Variants in DYSF observed in about 807,000 individuals in gnomAD.
DYSF encodes the protein dysferlin.
Under a neutral mutation model 274.9 loss-of-function variants are expected in DYSF, and 212 were observed. The observed-to-expected ratio is 0.77, with a 90% confidence interval of 0.69 to 0.86. The LOEUF (loss-of-function observed/expected upper bound fraction) is 0.86, where lower values mean the gene tolerates loss of function less well. DYSF is among the 40% of genes least tolerant of loss of function. The pLI is 0.00. For missense variants in DYSF, 2,666 were observed against 2,783.2 expected, an observed-to-expected ratio of 0.96 and a Z score of 0.95; for synonymous variants, 1,091 against 1,078.7, an observed-to-expected ratio of 1.01 and a Z score of -0.22.
intron 24 of DYSF, 51 bp downstream of exon 24, chr2:71,564,264 C>A: frequency 6.2e-7 from 1 of 1,608,434 alleles, no homozygotes; most frequent in Non-Finnish European, 8.5e-7. Context: ...CAACATAAGG[C>A]CTTTCTCCCA....
At chr2:71,644,091 G>GGTGTGTGTGTGTGTGT in intron 42 of DYSF, 28 bp downstream of exon 42, 1 of 1,573,860 alleles carries the variant, frequency 6.4e-7, no homozygotes, top group Admixed American at 1.7e-5. Flanking sequence ...TCTGACAGTC[G>GGTGTGTGTGTGTGTGT]GTGTGTGTGT....
intron 1 of DYSF, chr2:71,454,182 C>G: frequency 1.6e-6 from 2 of 1,263,938 alleles, no homozygotes; most frequent in Non-Finnish European, 2.3e-6. Context: ...AGCTGAGAGA[C>G]AGGAGACTTT....
rs2094887312 is a variant in DYSF at position 71,661,858 on chromosome 2, G to A, written c.5003+1207G>A. 2.0e-5 allele frequency among the ~76,000 whole-genome samples: 3 copies of A among 152,314 alleles called. No homozygotes were observed. In the South Asian group the frequency reaches 6.2e-4, roughly 32 times the overall value. On this transcript the variant is annotated intron_variant, in intron 45 of 55. Transcript: ENST00000410020. ...AAATGCAGCTTTTGAAGGTGAACCA[G>A]CCCTGGCCAGTGATGAGCTCCCACC... is the stretch of plus-strand genomic sequence containing the variant.
intron 41 of DYSF, among the ~76,000 whole-genome samples, chr2:71,622,130 G>GTTTTTTTTTTGTTTTTTTTTTT (rs2094118956): frequency 2.1e-5 from 2 of 97,004 alleles, no homozygotes; most frequent in Non-Finnish European, 2.0e-5. Flanking sequence ...TGATTTCTTT[G>GTTTTTTTTTTGTTTTTTTTTTT]TTTTTTTTTT....
intron 3 of DYSF, among the ~76,000 whole-genome samples, chr2:71,490,227 G>GTGCATT (rs1225526464): frequency 6.6e-6 from 1 of 152,128 alleles, no homozygotes; most frequent in Non-Finnish European, 1.5e-5. Flanking sequence ...AAGTATAAAA[G>GTGCATT]TGCATTTCAT....
intron 45 of DYSF, among the ~76,000 whole-genome samples, chr2:71,661,134 A>G (rs893568295): frequency 1.5e-4 from 23 of 151,228 alleles, no homozygotes; most frequent in Admixed American, 3.9e-4. Context: ...AAAAAAAAAA[A>G]AAAGAAAGAA....
chr2:71,490,489 G>A (rs753073628), intron 3 of DYSF, among the ~76,000 whole-genome samples: 3 of 152,110 alleles, frequency 2.0e-5, no homozygotes, highest in South Asian at 2.1e-4. Context: ...ACAGGTGCCC[G>A]CCACCACGCC....
chr2:71,570,170 CT>C (rs1172549960), intron 27 of DYSF, 58 bp from the exon 28 acceptor site: 1 of 1,492,038 alleles, frequency 6.7e-7, no homozygotes, highest in Admixed American at 1.7e-5. Context: ...TCTTTTCTGC[CT>C]CCCTGCTCAC....
intron 30 of DYSF, among the ~76,000 whole-genome samples, chr2:71,578,061 A>G (rs531347956): frequency 6.6e-6 from 1 of 152,282 alleles, no homozygotes; most frequent in South Asian, 2.1e-4. Context: ...CATTTTAAGG[A>G]TGAATGACGA....
At chr2:71,623,836 G>A (rs1574433921) in intron 41 of DYSF, among the ~76,000 whole-genome samples, 2 of 151,690 alleles carry the variant, frequency 1.3e-5, no homozygotes, top group African/African-American at 2.4e-5. Context: ...TTGGGAGGTC[G>A]AGGTAGGCAA....
intron 3 of DYSF, among the ~76,000 whole-genome samples, chr2:71,499,445 T>A (rs894153105): frequency 1.3e-5 from 2 of 152,224 alleles, no homozygotes; most frequent in Non-Finnish European, 2.9e-5. Context: ...TAAGACCCAA[T>A]GTTTTAAAAT....
chr2:71,539,307 A>G, intron 17 of DYSF, 68 bp downstream of exon 17: 3 of 1,387,770 alleles, frequency 2.2e-6, no homozygotes, highest in Non-Finnish European at 2.1e-6. Context: ...TATCCAGCTT[A>G]CACTTCTAGT....
At chr2:71,524,754 C>T (rs772901293) in intron 12 of DYSF, among the ~76,000 whole-genome samples, 16 of 152,250 alleles carry the variant, frequency 1.1e-4, no homozygotes, top group Admixed American at 2.0e-4. Context: ...GTTGCCTCCT[C>T]GTCTGGATGC....
At chr2:71,673,479 A>G (rs1037244207) in intron 51 of DYSF, among the ~76,000 whole-genome samples, 1 of 152,094 alleles carries the variant, frequency 6.6e-6, no homozygotes, top group East Asian at 1.9e-4. Context: ...CCCTGGGTCA[A>G]GCTCTTGGAG....
At chr2:71,463,896 G>A (rs544588328), upstream of DYSF, among the ~76,000 whole-genome samples, 2 of 152,294 alleles carry the variant, frequency 1.3e-5, no homozygotes, top group South Asian at 2.1e-4. Flanking sequence ...TCTGCTAGAA[G>A]GGAAGGGGGT....
At chr2:71,460,852 C>T (rs901848553) in intron 1 of DYSF, among the ~76,000 whole-genome samples, 5 of 150,782 alleles carry the variant, frequency 3.3e-5, no homozygotes, top group African/African-American at 1.2e-4. Context: ...TTTCCATTTC[C>T]TGTGGTGACT....
intron 42 of DYSF, among the ~76,000 whole-genome samples, chr2:71,644,555 A>T (rs2094538375): frequency 6.6e-6 from 1 of 152,118 alleles, no homozygotes; most frequent in Admixed American, 6.5e-5. Flanking sequence ...TTGAGAATGT[A>T]CTCCTGACCC....
chr2:71,481,925 A>T lies in DYSF; in HGVS notation c.194A>T (p.Glu65Val). 6.2e-7 allele frequency: 1 copy of T among 1,614,104 alleles called. No homozygotes were observed. Among genetic ancestry groups the T allele is most frequent in the Non-Finnish European group, 8.5e-7 (1 of 1,179,998 alleles). The change falls in exon 3 of 56, where the codon GAG (glutamate) becomes GTG (valine). Residue 65 changes from glutamate (E) to valine (V), a missense_variant. This residue lies in a region of DYSF where 794 missense variants were observed against 777.1 expected (regional missense o/e 1.02). Transcript: ENST00000410020. The stretch of plus-strand genomic sequence containing the variant: ...GGCATCCCCCTGGACCAGGGCTCTG[A>T]GCTTCATGTGGTGGTCAAAGACCAT... The part of the protein sequence containing the change: ...LKGIPLDQGS[E>V]LHVVVKDHET...
rs911488766 is a variant in DYSF at position 71,550,441 on chromosome 2, G to A, written c.1577-600G>A. On this transcript the variant is annotated intron_variant, in intron 17 of 55. Coordinates refer to ENST00000410020, the MANE Select transcript of DYSF (RefSeq NM_001130987.2). The stretch of plus-strand genomic sequence containing the variant: ...GTGTGGGGAGGAGATTCTGGGATAA[G>A]GCAAGGCCGTTAGGGCAGAGGGTAT... Among the ~76,000 whole-genome samples the A allele has an allele frequency of 2.0e-4, 31 of 151,672 alleles. 1 individual carries two copies. The highest frequency in any genetic ancestry group is 1.6e-3 in the Admixed American group (25 of 15,258).
Sources: gnomAD v4.1 joint callset for allele counts (sites outside exome capture counted in the v4.1 genomes callset) on GRCh38, gnomAD v4.1.1 for gene constraint, gnomAD v4.1.1 regional missense constraint, MANE v1.5 for transcripts, NCBI Gene and HGNC (gene_info 2026-07-23, HGNC 2026-07-21) for gene names.